AGBL4: variants seen among roughly 807,000 people sequenced by gnomAD.
The protein encoded by AGBL4 is cytosolic carboxypeptidase 6.
AGBL4 carries 58 observed loss-of-function variants against 66.4 expected under a neutral mutation model. The ratio of observed to expected loss-of-function variants is 0.87; its 90% CI spans 0.71 to 1.09. AGBL4 has a LOEUF of 1.09. Ranked by LOEUF, AGBL4 falls within the 50% of genes least tolerant of loss-of-function variation. The pLI, the probability that AGBL4 is intolerant of heterozygous loss-of-function variation, is 0.00. For missense variants in AGBL4, 579 were observed against 631.0 expected (o/e 0.92, Z 0.88); for synonymous variants, 234 against 222.9 (o/e 1.05, Z -0.44).
chr1:49,693,133 A>G (rs1646920829), intron 3 of AGBL4, among the ~76,000 whole-genome samples: 1 of 152,208 alleles, frequency 6.6e-6, no homozygotes, highest in Admixed American at 6.6e-5. Context: ...TATAAAACAA[A>G]GCAAGAAATT....
intron 3 of AGBL4, among the ~76,000 whole-genome samples, chr1:49,355,458 C>G (rs1035836688): frequency 6.6e-6 from 1 of 152,130 alleles, no homozygotes; most frequent in East Asian, 1.9e-4. Context: ...TCAAAGCCAC[C>G]ATCATTTCTC....
At position 49,130,389 on chromosome 1, in the gene AGBL4, A is replaced by G. The variant is rs1252406313; in HGVS notation, c.378-84589T>C. 4.6e-5 allele frequency among the ~76,000 whole-genome samples: 7 copies of G among 152,302 alleles called. No homozygotes were observed. The South Asian group carries it at 8.3e-4, about 18-fold the overall frequency. On this transcript the variant is annotated intron_variant, in intron 4 of 13. Coordinates refer to ENST00000371839, the MANE Select transcript of AGBL4 (RefSeq NM_032785.4). ...TGTTTTAGACATGAAGTCCTTGCCC[A>G]TGCCTATGTCCTGAATGGTAATGCC... is the stretch of plus-strand genomic sequence containing the variant.
intron 2 of AGBL4, among the ~76,000 whole-genome samples, chr1:49,754,830 C>T (rs1308396269): frequency 6.6e-6 from 1 of 152,204 alleles, no homozygotes; most frequent in African/African-American, 2.4e-5. Context: ...TCATGGAGGA[C>T]AGCAAATCCA....
chr1:49,257,918 G>C (rs1328739961), intron 3 of AGBL4, among the ~76,000 whole-genome samples: 1 of 152,170 alleles, frequency 6.6e-6, no homozygotes, highest in Non-Finnish European at 1.5e-5. Context: ...CCCCCCAGTA[G>C]GGGCAGACTG....
At chr1:49,542,270 G>T (rs1652105238) in intron 3 of AGBL4, among the ~76,000 whole-genome samples, 2 of 152,158 alleles carry the variant, frequency 1.3e-5, no homozygotes, top group Admixed American at 6.6e-5. Flanking sequence ...CCACATTGTG[G>T]AAGCTTTGTT....
intron 5 of AGBL4, among the ~76,000 whole-genome samples, chr1:48,937,599 G>C (rs1200839199): frequency 6.6e-6 from 1 of 152,108 alleles, no homozygotes; most frequent in Non-Finnish European, 1.5e-5. Context: ...TTTGACATTT[G>C]AAAGTGTTTT....
chr1:49,904,107 A>G (rs987098531), intron 1 of AGBL4, among the ~76,000 whole-genome samples: 8 of 152,150 alleles, frequency 5.3e-5, no homozygotes, highest in African/African-American at 1.9e-4. Context: ...TCTGATTTCA[A>G]ATACTCCTGC....
chr1:49,496,234 G>T (rs1483173581), intron 3 of AGBL4, among the ~76,000 whole-genome samples: 1 of 151,942 alleles, frequency 6.6e-6, no homozygotes, highest in Non-Finnish European at 1.5e-5. Flanking sequence ...TTAAAATGGA[G>T]TCTTTTTTTT....
chr1:49,340,896 A>G (rs908272115), intron 3 of AGBL4, among the ~76,000 whole-genome samples: 1 of 152,226 alleles, frequency 6.6e-6, no homozygotes, highest in African/African-American at 2.4e-5. Flanking sequence ...TCTTAGTTTA[A>G]CAATAAGTTT....
At chr1:49,739,162 G>T (rs962146492) in intron 2 of AGBL4, among the ~76,000 whole-genome samples, 4 of 152,092 alleles carry the variant, frequency 2.6e-5, no homozygotes, top group African/African-American at 9.7e-5. Context: ...CTTGAAAAAC[G>T]ATGAGAAGAA....
chr1:49,282,943 GA>G (rs1644311210), intron 3 of AGBL4, among the ~76,000 whole-genome samples: 1 of 152,206 alleles, frequency 6.6e-6, no homozygotes, highest in Non-Finnish European at 1.5e-5. Context: ...GAGGCTGGGG[GA>G]GGGGCGCCCG....
rs375163402 is a variant in AGBL4, at chr1:49,363,429, C to A, written c.283-117565G>T. On this transcript the variant is annotated intron_variant, in intron 3 of 13. Transcript: ENST00000371839. ...CAGTGTGTCATTTCCATATTTGTAA[C>A]AAGCATTAATGATACTTGCACAGAT... Among the ~76,000 whole-genome samples, 209 of 152,270 alleles carry A rather than the reference C, an allele frequency of 1.4e-3. 1 individual carries two copies. Among genetic ancestry groups the A allele is most frequent in the African/African-American group, 4.7e-3 (196 of 41,550 alleles).
At chr1:49,954,120 C>T (rs1656392100) in intron 1 of AGBL4, among the ~76,000 whole-genome samples, 2 of 151,832 alleles carry the variant, frequency 1.3e-5, no homozygotes, top group African/African-American at 4.8e-5. Flanking sequence ...GTCTCAAACT[C>T]CTGGCCTCAA....
chr1:48,994,329 C>A (rs549131233), intron 5 of AGBL4, among the ~76,000 whole-genome samples: 13 of 152,126 alleles, frequency 8.5e-5, no homozygotes, highest in Non-Finnish European at 1.3e-4. Flanking sequence ...TTAAAACTTC[C>A]TGGATGTTTC....
At chr1:49,940,365 G>A (rs1374193313) in intron 1 of AGBL4, among the ~76,000 whole-genome samples, 1 of 152,098 alleles carries the variant, frequency 6.6e-6, no homozygotes, top group East Asian at 1.9e-4. Context: ...ATACCCAAAG[G>A]ACTATAAATC....
chr1:48,932,771 G>A (rs2148904738), intron 5 of AGBL4, among the ~76,000 whole-genome samples: 1 of 152,186 alleles, frequency 6.6e-6, no homozygotes, highest in South Asian at 2.1e-4. Context: ...CCTCTTTAAT[G>A]AATGTTTTTC....
At chr1:49,958,515 T>C (rs1195750053) in intron 1 of AGBL4, among the ~76,000 whole-genome samples, 1 of 151,770 alleles carries the variant, frequency 6.6e-6, no homozygotes, top group Non-Finnish European at 1.5e-5. Flanking sequence ...TATTCAGCCA[T>C]AAAAAAGGAT....
At chr1:49,785,676 C>T (rs1571561780) in intron 2 of AGBL4, among the ~76,000 whole-genome samples, 1 of 151,766 alleles carries the variant, frequency 6.6e-6, no homozygotes, top group East Asian at 1.9e-4. Context: ...CAACTAACAA[C>T]TGTTGAAAAC....
At chr1:48,607,205 T>C (rs319971) in intron 9 of AGBL4, among the ~76,000 whole-genome samples, 1 of 152,196 alleles carries the variant, frequency 6.6e-6, no homozygotes, top group Non-Finnish European at 1.5e-5. Context: ...ACTACTTAAA[T>C]TTAAATTAAT....
Sources: gnomAD v4.1 joint callset for allele counts (sites outside exome capture counted in the v4.1 genomes callset) on GRCh38, gnomAD v4.1.1 for gene constraint, MANE v1.5 for transcripts, NCBI Gene and HGNC (gene_info 2026-07-23, HGNC 2026-07-21) for gene names.